ITIH3: variants seen among roughly 807,000 people sequenced by gnomAD.
ITIH3 encodes the protein inter-alpha-trypsin inhibitor heavy chain 3, also known as inter-alpha-trypsin inhibitor heavy chain H3.
ITIH3 carries 81 observed loss-of-function variants against 96.5 expected under a neutral mutation model. The ratio of observed to expected loss-of-function variants is 0.84; its 90% confidence interval spans 0.70 to 1.01. The LOEUF (loss-of-function observed/expected upper bound fraction) is 1.01, where lower values mean the gene tolerates loss of function less well. Ranked by LOEUF, ITIH3 falls within the 50% of genes least tolerant of loss-of-function variation. The pLI, the probability that ITIH3 is intolerant of heterozygous loss-of-function variation, is 0.00. For synonymous variants in ITIH3, 422 were observed against 445.2 expected, an observed-to-expected ratio of 0.95 and a Z score of 0.66; for missense variants, 1,057 against 1,139.3, an observed-to-expected ratio of 0.93 and a Z score of 1.04.
At chr3:52,798,027 T>C (rs1699663852) in intron 6 of ITIH3, 97 bp downstream of exon 6, 1 of 723,504 alleles carries the variant, frequency 1.4e-6, no homozygotes, top group Non-Finnish European at 2.4e-6. Flanking sequence ...GCTGCAAGCA[T>C]GCATGTGTTG....
Position 52,804,720 on chromosome 3 carries a change from CT to C in ITIH3, c.1865-5del. ...TTCTCTTCTTCCTCCCTTGCTGCAC[CT>C]GCAGATGCAGAAGGTAAGCCTTTAG... On this transcript the variant is annotated splice_region_variant and splice_polypyrimidine_tract_variant and intron_variant, in intron 14 of 21. Transcript: ENST00000449956. The C allele has an allele frequency of 6.3e-7, 1 of 1,586,112 alleles. No individual in the cohort carries two copies. Among genetic ancestry groups the C allele is most frequent in the Non-Finnish European group, 8.6e-7 (1 of 1,165,034 alleles).
At chr3:52,803,115 C>T (rs1193756487) in intron 13 of ITIH3, among the ~76,000 whole-genome samples, 1 of 152,160 alleles carries the variant, frequency 6.6e-6, no homozygotes, top group Non-Finnish European at 1.5e-5. Context: ...GGGATCCCAG[C>T]CCTCAGTGCC....
chr3:52,804,906 G>A (rs1378588094), intron 15 of ITIH3, 172 bp downstream of exon 15: 3 of 702,586 alleles, frequency 4.3e-6, no homozygotes, highest in Non-Finnish European at 7.4e-6. Flanking sequence ...CTGAGCCTGA[G>A]GATCCCTGTG....
chr3:52,796,938 C>A, intron 4 of ITIH3, 95 bp downstream of exon 4: 3 of 1,171,200 alleles, frequency 2.6e-6, no homozygotes, highest in Non-Finnish European at 3.6e-6. Flanking sequence ...ATTGGTATAG[C>A]AAAATGTGCC....
chr3:52,807,262 C>T (rs987999881), intron 19 of ITIH3, among the ~76,000 whole-genome samples, 157 bp downstream of exon 19: 2 of 152,220 alleles, frequency 1.3e-5, no homozygotes, highest in African/African-American at 4.8e-5. Context: ...GGGAGGGTGA[C>T]CATAGTGGCC....
rs757342819 is a variant in ITIH3, at chr3:52,796,617, C to A, written c.251C>A (p.Pro84His). 2 of 1,613,048 alleles carry A rather than the reference C, an allele frequency of 1.2e-6. No homozygotes were observed. Among genetic ancestry groups the A allele is most frequent in the South Asian group, 2.2e-5 (2 of 90,862 alleles). ...AKEVSFDVEL[P>H]KTAFITNFTL... ...GAGGTTTCCTTTGATGTGGAGCTGCCCAAGACGGCCTTCATCACCAACTTC... is the reference window on the plus strand; with the variant it reads ...GAGGTTTCCTTTGATGTGGAGCTGCACAAGACGGCCTTCATCACCAACTTC... The change falls in exon 3 of 22, where the codon CCC becomes CAC. Residue 84 changes from proline to histidine, a missense_variant. Physicochemically the swap from Pro to His is moderately conservative, Grantham distance 77. Transcript: ENST00000449956.
chr3:52,803,975 GGA>G lies in ITIH3; in HGVS notation c.1831_1832del (p.Asp611Ter). The G allele has an allele frequency of 6.2e-7, 1 of 1,613,708 alleles. No individual in the cohort carries two copies. The highest frequency in any genetic ancestry group is 8.5e-7 in the Non-Finnish European group (1 of 1,179,786). ...MVVTKPEDNE[D>X]ERAIADKPGE... ...TGGTGACCAAGCCTGAGGACAACGA[GGA>G]TGAGAGGGCCATTGCCGACAAGCCT... On this transcript the variant is annotated frameshift_variant, in exon 14 of 22. Coordinates refer to ENST00000449956, the MANE Select transcript of ITIH3 (RefSeq NM_002217.4). LOFTEE classifies it high-confidence loss of function.
At chr3:52,805,549 A>AT in intron 15 of ITIH3, 1 of 1,318,438 alleles carries the variant, frequency 7.6e-7, no homozygotes, top group Non-Finnish European at 9.7e-7. Context: ...AGAGAAGATG[A>AT]CTTAATGGCT....
In ITIH3 at chr3:52,796,491, G is replaced by A; in HGVS notation, c.125G>A (p.Gly42Asp). The change falls in exon 3 of 22, where the codon GGC becomes GAC. Residue 42 changes from glycine (G) to aspartate (D), a missense_variant. Coordinates refer to ENST00000449956, the MANE Select transcript of ITIH3 (RefSeq NM_002217.4). ...CCCACCTCCCCAAAGGTGGCCAATG[G>A]CATCGAGGTCTACAGTACCAAAATC... The part of the protein sequence containing the change: ...KRSLPEGVAN[G>D]IEVYSTKINS... 1 of 1,611,980 alleles carries A rather than the reference G, an allele frequency of 6.2e-7. No individual in the cohort carries two copies. Among genetic ancestry groups the A allele is most frequent in the Non-Finnish European group, 8.5e-7 (1 of 1,179,532 alleles).
chr3:52,797,083 C>A, intron 4 of ITIH3, 22 bp from the exon 5 acceptor site: 1 of 1,602,380 alleles, frequency 6.2e-7, no homozygotes, highest in South Asian at 1.1e-5. Flanking sequence ...TTGAGGGAGT[C>A]ACCATCTCGC....
At position 52,803,975 on chromosome 3, in the gene ITIH3, G is replaced by A. The variant is rs1268415214; in HGVS notation, c.1830G>A (p.Glu610=). The change falls in exon 14 of 22, where the codon GAG becomes GAA. Residue 610 remains glutamate, a synonymous_variant. Coordinates refer to ENST00000449956, the MANE Select transcript of ITIH3 (RefSeq NM_002217.4). ...TGGTGACCAAGCCTGAGGACAACGA[G>A]GATGAGAGGGCCATTGCCGACAAGC... ...SMVVTKPEDN[E]DERAIADKPG... is the part of the protein sequence containing the mutation. The A allele has an allele frequency of 1.9e-6, 3 of 1,613,708 alleles. No individual in the cohort carries two copies. Among genetic ancestry groups the A allele is most frequent in the Non-Finnish European group, 2.5e-6 (3 of 1,179,786 alleles).
chr3:52,794,894 G>C lies in ITIH3; in HGVS notation c.91G>C (p.Gly31Arg). 1.2e-6 allele frequency: 2 copies of C among 1,613,322 alleles called. No homozygotes were observed. Among genetic ancestry groups the C allele is most frequent in the Non-Finnish European group, 1.7e-6 (2 of 1,179,372 alleles). ...CCCGAGAAGCCCCTTTCGGCTGCTT[G>C]GGGTGAGTCTGCCCCCTCTTTGCCA... is the stretch of plus-strand genomic sequence containing the variant. ...GFPRSPFRLL[G>R]KRSLPEGVAN... Residue 31 changes from glycine (G) to arginine (R), a missense_variant and splice_region_variant, in exon 1 of 22, where the codon GGG becomes CGG. Gly to Arg is a moderately radical substitution (Grantham distance 125, BLOSUM62 -2). Transcript: ENST00000449956.
intron 6 of ITIH3, 104 bp downstream of exon 6, chr3:52,798,034 G>A: frequency 1.0e-5 from 7 of 694,112 alleles, no homozygotes; most frequent in Non-Finnish European, 1.5e-5. Flanking sequence ...GCATGCATGT[G>A]TTGGGGTGGG....
At chr3:52,799,948 C>A (rs557724852) in intron 9 of ITIH3, 27 bp downstream of exon 9, 2 of 1,605,464 alleles carry the variant, frequency 1.2e-6, no homozygotes, top group African/African-American at 1.3e-5. Context: ...AGCCCACACA[C>A]CTCCTAGCGG....
intron 19 of ITIH3, 55 bp from the exon 20 acceptor site, chr3:52,807,692 T>C (rs1170324772): frequency 2.6e-6 from 4 of 1,548,842 alleles, no homozygotes; most frequent in Non-Finnish European, 3.5e-6. Context: ...TTGAGTCAGA[T>C]GCCCAGTGTC....
At chr3:52,796,949 C>A in intron 4 of ITIH3, 106 bp downstream of exon 4, 1 of 1,177,784 alleles carries the variant, frequency 8.5e-7, no homozygotes, top group South Asian at 1.5e-5. Context: ...AAAATGTGCC[C>A]ATAATTTTGC....
intron 6 of ITIH3, 22 bp downstream of exon 6, chr3:52,797,952 C>T: frequency 2.1e-6 from 3 of 1,407,032 alleles, no homozygotes; most frequent in Non-Finnish European, 3.0e-6. Flanking sequence ...GCCTCTCAGA[C>T]CTGGTGGGGC....
chr3:52,802,175 G>C (rs975079412), intron 11 of ITIH3, 159 bp from the exon 12 acceptor site: 6 of 661,820 alleles, frequency 9.1e-6, no homozygotes, highest in Non-Finnish European at 1.5e-5. Context: ...GAGTTGCCGG[G>C]GGGAGGCCCC....
At position 52,796,608 on chromosome 3, in the gene ITIH3, T is replaced by C; in HGVS notation, c.242T>C (p.Val81Ala). Residue 81 changes from valine (V) to alanine (A), a missense_variant, in exon 3 of 22, where the codon GTG becomes GCG. By Grantham distance (64) the Val-to-Ala change is moderately conservative. Coordinates refer to ENST00000449956, the MANE Select transcript of ITIH3 (RefSeq NM_002217.4). ...ADTAKEVSFD[V>A]ELPKTAFITN... ...ACGGCCAAGGAGGTTTCCTTTGATG[T>C]GGAGCTGCCCAAGACGGCCTTCATC... The C allele has an allele frequency of 4.3e-6, 7 of 1,613,338 alleles. No homozygotes were observed. The highest frequency in any genetic ancestry group is 5.9e-6 in the Non-Finnish European group (7 of 1,179,638).
Sources: gnomAD v4.1 joint callset for allele counts (sites outside exome capture counted in the v4.1 genomes callset) on GRCh38, gnomAD v4.1.1 for gene constraint, MANE v1.5 for transcripts, NCBI Gene and HGNC (gene_info 2026-07-23, HGNC 2026-07-21) for gene names.